Variants in EBF1 observed in about 807,000 individuals in gnomAD.
EBF1 encodes transcription factor COE1.
In EBF1, 10 loss-of-function variants were observed where a neutral mutation model predicts 68.4. The observed-to-expected ratio is 0.15, with a 90% CI of 0.09 to 0.25. The LOEUF is 0.25. EBF1 is among the 10% of genes least tolerant of loss of function. The pLI, the probability that EBF1 is intolerant of heterozygous loss-of-function variation, is 1.00. For synonymous variants in EBF1, 298 were observed against 299.8 expected, an observed-to-expected ratio of 0.99 and a Z score of 0.06; for missense variants, 509 against 794.4, an observed-to-expected ratio of 0.64 and a Z score of 4.32.
Position 159,095,585 on chromosome 5 carries a change from T to C in EBF1, c.411+35A>G, listed in dbSNP as rs371950138. 139 of 1,612,420 alleles carry C rather than the reference T, an allele frequency of 8.6e-5. No homozygotes were observed. In the Middle Eastern group the frequency reaches 8.9e-4, roughly 10 times the overall value. On this transcript the variant is annotated intron_variant, in intron 4 of 15. Transcript: ENST00000313708. Reference sequence around the variant, plus strand: ...CTTGACTGCCCTGAATTTTGTGACATAGAGCCCCCCGTGGCCCAAAATCAA... The same window carrying C: ...CTTGACTGCCCTGAATTTTGTGACACAGAGCCCCCCGTGGCCCAAAATCAA...
chr5:158,980,997 T>C (rs1180930433), intron 6 of EBF1, among the ~76,000 whole-genome samples: 2 of 152,158 alleles, frequency 1.3e-5, no homozygotes, highest in African/African-American at 4.8e-5. Context: ...TGCAAAAGTT[T>C]ACAAAAACCA....
At chr5:158,900,653 A>C (rs1803116995) in intron 6 of EBF1, among the ~76,000 whole-genome samples, 1 of 152,232 alleles carries the variant, frequency 6.6e-6, no homozygotes, top group African/African-American at 2.4e-5. Flanking sequence ...TAAGACAGCT[A>C]TTCCCAAATT....
intron 6 of EBF1, among the ~76,000 whole-genome samples, chr5:159,044,888 A>G (rs1772020938): frequency 1.3e-5 from 2 of 152,324 alleles, no homozygotes; most frequent in South Asian, 2.1e-4. Context: ...GGAATTTGTT[A>G]ATTTCTATAA....
chr5:158,988,705 A>T (rs547387026), intron 6 of EBF1, among the ~76,000 whole-genome samples: 3 of 152,230 alleles, frequency 2.0e-5, no homozygotes, highest in Admixed American at 2.0e-4. Flanking sequence ...TCCCGAACTT[A>T]TCAATAATAA....
intron 6 of EBF1, among the ~76,000 whole-genome samples, chr5:159,010,217 T>C (rs1385519490): frequency 2.0e-5 from 3 of 152,226 alleles, no homozygotes; most frequent in Admixed American, 2.0e-4. Flanking sequence ...GCAGATGAGA[T>C]GGAGATGAGT....
At chr5:159,083,629 A>T (rs1780107124) in intron 5 of EBF1, among the ~76,000 whole-genome samples, 1 of 152,184 alleles carries the variant, frequency 6.6e-6, no homozygotes, top group Non-Finnish European at 1.5e-5. Flanking sequence ...TTTTCTTTCC[A>T]CCTGTAGAGT....
chr5:159,081,227 C>G (rs1184470299), intron 5 of EBF1, among the ~76,000 whole-genome samples: 1 of 152,176 alleles, frequency 6.6e-6, no homozygotes. Flanking sequence ...AAACAATCCT[C>G]CCACCCTGGC....
At chr5:159,009,188 T>C (rs944239697) in intron 6 of EBF1, among the ~76,000 whole-genome samples, 1 of 152,256 alleles carries the variant, frequency 6.6e-6, no homozygotes, top group African/African-American at 2.4e-5. Flanking sequence ...AGCTTGTTAG[T>C]TGAAGATCTC....
chr5:158,927,104 T>C (rs1369451852), intron 6 of EBF1, among the ~76,000 whole-genome samples: 1 of 152,212 alleles, frequency 6.6e-6, no homozygotes, highest in Non-Finnish European at 1.5e-5. Flanking sequence ...ATAAAAAGAT[T>C]TGCAGCGGTA....
chr5:159,098,258 T>C (rs1225721718), intron 1 of EBF1, among the ~76,000 whole-genome samples: 1 of 152,150 alleles, frequency 6.6e-6, no homozygotes, highest in East Asian at 1.9e-4. Context: ...GAGCCTTGGG[T>C]GTGCCCAGGA....
intron 6 of EBF1, among the ~76,000 whole-genome samples, chr5:159,033,909 T>C (rs1011017916): frequency 6.6e-6 from 1 of 152,160 alleles, no homozygotes; most frequent in Non-Finnish European, 1.5e-5. Flanking sequence ...ATCTAATTTA[T>C]GGGTGTTTAA....
chr5:158,739,664 T>G (rs1214483930), intron 10 of EBF1, among the ~76,000 whole-genome samples: 1 of 152,170 alleles, frequency 6.6e-6, no homozygotes, highest in African/African-American at 2.4e-5. Flanking sequence ...TATTCTGTCT[T>G]TCTTAACATT....
intron 9 of EBF1, among the ~76,000 whole-genome samples, chr5:158,795,586 C>T (rs182415026): frequency 6.6e-6 from 1 of 152,254 alleles, no homozygotes; most frequent in East Asian, 1.9e-4. Context: ...TCGGAGCATG[C>T]TGGCTAAGAA....
intron 6 of EBF1, among the ~76,000 whole-genome samples, chr5:158,900,733 G>A (rs752647628): frequency 7.9e-5 from 12 of 152,176 alleles, no homozygotes; most frequent in South Asian, 2.1e-4. Context: ...GGCACCAGGC[G>A]TTACACTAGG....
intron 6 of EBF1, among the ~76,000 whole-genome samples, chr5:158,963,579 T>C (rs886328193): frequency 6.6e-6 from 1 of 152,082 alleles, no homozygotes; most frequent in African/African-American, 2.4e-5. Flanking sequence ...GAATCACAAA[T>C]AGAACGACCC....
intron 8 of EBF1, 136 bp from the exon 9 acceptor site, chr5:158,796,611 TC>T (rs1454371737): frequency 3.6e-6 from 4 of 1,104,156 alleles, no homozygotes; most frequent in Non-Finnish European, 4.9e-6. Flanking sequence ...TCTCAGCATT[TC>T]CCAGCCACAT....
At chr5:159,056,388 T>G (rs1383269804) in intron 6 of EBF1, among the ~76,000 whole-genome samples, 1 of 152,046 alleles carries the variant, frequency 6.6e-6, no homozygotes, top group Non-Finnish European at 1.5e-5. Context: ...CCCCATACTC[T>G]GAAACAGTAC....
chr5:158,725,756 G>A lies in EBF1; in HGVS notation c.1125+5313C>T, dbSNP rs118128954. ...GTGGGAAGTTGGGAGAGAAAACCCG[G>A]GTGAGAGATTCCGGTGTGCTCTCTG... is the stretch of plus-strand genomic sequence containing the variant. On this transcript the variant is annotated intron_variant, in intron 11 of 15. Coordinates refer to ENST00000313708, the MANE Select transcript of EBF1 (RefSeq NM_024007.5). 1.3e-3 allele frequency among the ~76,000 whole-genome samples: 204 copies of A among 152,308 alleles called. 3 individuals are homozygous for A. The East Asian group carries it at 0.037, about 27-fold the overall frequency.
At chr5:158,749,434 T>C (rs1274499647) in intron 10 of EBF1, among the ~76,000 whole-genome samples, 2 of 152,094 alleles carry the variant, frequency 1.3e-5, no homozygotes, top group East Asian at 1.9e-4. Flanking sequence ...AAACCAACAG[T>C]GACCATAATC....
Sources: allele counts gnomAD v4.1 joint callset (sites outside exome capture counted in the v4.1 genomes callset), GRCh38; gene constraint gnomAD v4.1.1; transcripts MANE v1.5; gene names NCBI Gene and HGNC (gene_info 2026-07-23, HGNC 2026-07-21).